The following ACTR2 variants were observed in gnomAD, a reference collection of about 807,000 sequenced individuals.
ACTR2 encodes actin-related protein 2.
ACTR2 carries 5 observed loss-of-function variants against 50.2 expected under a neutral mutation model. That is an observed-to-expected ratio of 0.10 (90% CI 0.05 to 0.21). The LOEUF is 0.21. ACTR2 is among the 10% of genes least tolerant of loss of function. The pLI, the probability that ACTR2 is intolerant of heterozygous loss-of-function variation, is 1.00. For missense variants in ACTR2, 180 were observed against 480.6 expected (o/e 0.37, Z 5.85); for synonymous variants, 140 against 162.9 (o/e 0.86, Z 1.07).
intron 1 of ACTR2, among the ~76,000 whole-genome samples, chr2:65,231,932 T>C (rs968795510): frequency 2.0e-5 from 3 of 152,192 alleles, no homozygotes; most frequent in South Asian, 2.1e-4. Flanking sequence ...CCGTGGGCCA[T>C]GGGTTGGACA....
At chr2:65,235,099 G>A (rs1671714825) in intron 1 of ACTR2, among the ~76,000 whole-genome samples, 1 of 152,090 alleles carries the variant, frequency 6.6e-6, no homozygotes, top group Admixed American at 6.6e-5. Context: ...TATCATTTAA[G>A]TTTGTATCAA....
chr2:65,267,985 C>T (rs1486376511), intron 8 of ACTR2, among the ~76,000 whole-genome samples: 1 of 149,510 alleles, frequency 6.7e-6, no homozygotes, highest in East Asian at 2.0e-4. Flanking sequence ...TACAGGCACC[C>T]ACTACCATGC....
At chr2:65,237,654 C>T (rs914379632) in intron 1 of ACTR2, among the ~76,000 whole-genome samples, 6 of 152,108 alleles carry the variant, frequency 3.9e-5, no homozygotes, top group African/African-American at 1.2e-4. Flanking sequence ...AGTTCCAGAC[C>T]AGCCCGTGCA....
intron 5 of ACTR2, 49 bp from the exon 6 acceptor site, chr2:65,255,496 A>G: frequency 6.4e-7 from 1 of 1,552,226 alleles, no homozygotes; most frequent in Non-Finnish European, 8.8e-7. Flanking sequence ...TTTGCAGAGT[A>G]GAACTCATTC....
intron 6 of ACTR2, among the ~76,000 whole-genome samples, chr2:65,259,430 T>TA (rs1334282525): frequency 1.3e-5 from 2 of 151,524 alleles, no homozygotes; most frequent in Non-Finnish European, 2.9e-5. Flanking sequence ...TCAAAAAAAA[T>TA]ATATATGTAT....
At chr2:65,248,318 T>C (rs900451882) in intron 3 of ACTR2, among the ~76,000 whole-genome samples, 1 of 152,080 alleles carries the variant, frequency 6.6e-6, no homozygotes, top group African/African-American at 2.4e-5. Context: ...GAGAATCGCT[T>C]GAACCCAGGA....
chr2:65,246,011 A>G (rs1671930986), intron 2 of ACTR2, among the ~76,000 whole-genome samples: 1 of 152,138 alleles, frequency 6.6e-6, no homozygotes, highest in South Asian at 2.1e-4. Context: ...TAGTTGGTGT[A>G]TGTATGCATT....
At chr2:65,247,934 C>T (rs1671969696) in intron 3 of ACTR2, among the ~76,000 whole-genome samples, 1 of 151,884 alleles carries the variant, frequency 6.6e-6, no homozygotes, top group Non-Finnish European at 1.5e-5. Flanking sequence ...AGTGAGTTAG[C>T]CAGGGTATAT....
chr2:65,263,269 T>TG (rs1223170480), intron 7 of ACTR2, among the ~76,000 whole-genome samples: 1 of 150,482 alleles, frequency 6.6e-6, no homozygotes, highest in Non-Finnish European at 1.5e-5. Context: ...TTTTGGGTTT[T>TG]TTTTTTTTTC....
At chr2:65,233,997 C>T (rs571918848) in intron 1 of ACTR2, among the ~76,000 whole-genome samples, 7 of 151,918 alleles carry the variant, frequency 4.6e-5, no homozygotes, top group Non-Finnish European at 1.0e-4. Flanking sequence ...GTAGCCTCAA[C>T]CTCCCTGGGC....
Position 65,267,045 on chromosome 2 carries a change from T to C in ACTR2, c.1015-1519T>C, listed in dbSNP as rs561600513. 7.9e-5 allele frequency among the ~76,000 whole-genome samples: 12 copies of C among 152,076 alleles called. No homozygotes were observed. The South Asian group carries it at 2.3e-3, about 29-fold the overall frequency. On this transcript the variant is annotated intron_variant, in intron 8 of 8. Transcript: ENST00000260641. Reference sequence around the variant, plus strand: ...AACTCATATTACCAAACCTCCAGGGTTAAGGTAGTGTGTGAGAGAGAAACA... The same window carrying C: ...AACTCATATTACCAAACCTCCAGGGCTAAGGTAGTGTGTGAGAGAGAAACA...
At chr2:65,252,052 C>T (rs1217171733) in intron 4 of ACTR2, among the ~76,000 whole-genome samples, 2 of 151,678 alleles carry the variant, frequency 1.3e-5, no homozygotes, top group Non-Finnish European at 2.9e-5. Context: ...AAGAGTGTGG[C>T]ACTGGAAATG....
intron 3 of ACTR2, among the ~76,000 whole-genome samples, chr2:65,250,092 C>T (rs1281602692): frequency 6.6e-6 from 1 of 152,016 alleles, no homozygotes; most frequent in African/African-American, 2.4e-5. Flanking sequence ...CGGCCGGGTG[C>T]GGTGGCTCAC....
At chr2:65,244,708 G>A (rs1316491908) in intron 2 of ACTR2, among the ~76,000 whole-genome samples, 2 of 152,124 alleles carry the variant, frequency 1.3e-5, no homozygotes, top group South Asian at 2.1e-4. Context: ...AGCACTTTGG[G>A]AGGCTGAGGT....
chr2:65,263,328 CTCTCTGTT>C (rs1672312050), intron 7 of ACTR2, among the ~76,000 whole-genome samples: 1 of 36,094 alleles, frequency 2.8e-5, no homozygotes, highest in Non-Finnish European at 7.5e-5. Context: ...CACAGATACT[CTCTCTGTT>C]TGCCATTTGT....
chr2:65,237,959 A>C (rs1262204920), intron 1 of ACTR2, among the ~76,000 whole-genome samples: 3 of 152,068 alleles, frequency 2.0e-5, no homozygotes, highest in Non-Finnish European at 2.9e-5. Context: ...GAGCCACTGC[A>C]CTCCAGCCTG....
intron 1 of ACTR2, among the ~76,000 whole-genome samples, chr2:65,229,750 C>CAA (rs57953942): frequency 0.043 from 2,283 of 53,248 alleles, 127 homozygotes; most frequent in African/African-American, 0.12. Context: ...GACTCCGTCT[C>CAA]AAAAAAAAAA....
intron 1 of ACTR2, among the ~76,000 whole-genome samples, chr2:65,239,507 A>G (rs955580893): frequency 1.3e-5 from 2 of 152,252 alleles, no homozygotes; most frequent in Non-Finnish European, 2.9e-5. Flanking sequence ...TGTCCATCCC[A>G]CAGATACTTC....
intron 2 of ACTR2, among the ~76,000 whole-genome samples, chr2:65,241,042 C>G (rs1354679913): frequency 2.0e-5 from 3 of 150,718 alleles, no homozygotes; most frequent in Non-Finnish European, 4.4e-5. Context: ...TTTTTCTGGC[C>G]TCTCCTGTTA....
Sources: gnomAD v4.1 joint callset for allele counts (sites outside exome capture counted in the v4.1 genomes callset) on GRCh38, gnomAD v4.1.1 for gene constraint, MANE v1.5 for transcripts, NCBI Gene and HGNC (gene_info 2026-07-23, HGNC 2026-07-21) for gene names.